Variants in NCKAP5 observed in about 807,000 individuals in gnomAD.
NCKAP5 encodes the protein NCK associated protein 5, also known as nck-associated protein 5.
NCKAP5 carries 92 observed loss-of-function variants against 167.0 expected under a neutral mutation model. The observed-to-expected ratio is 0.55, with a 90% confidence interval of 0.47 to 0.66. The LOEUF (loss-of-function observed/expected upper bound fraction) is 0.66. NCKAP5 is among the 30% of genes least tolerant of loss of function. The pLI, the probability that NCKAP5 is intolerant of heterozygous loss-of-function variation, is 0.00. For synonymous variants in NCKAP5, 891 were observed against 877.4 expected (o/e 1.02, Z -0.27); for missense variants, 2,378 against 2,315.0 (o/e 1.03, Z -0.56).
intron 6 of NCKAP5, among the ~76,000 whole-genome samples, chr2:133,102,734 C>G (rs537797501): frequency 7.0e-6 from 1 of 143,648 alleles, no homozygotes; most frequent in African/African-American, 2.7e-5. Context: ...ACAGGTTAGA[C>G]AAGCATGTAA....
At chr2:132,884,119 G>A (rs556176887) in intron 8 of NCKAP5, among the ~76,000 whole-genome samples, 81 of 152,178 alleles carry the variant, frequency 5.3e-4, no homozygotes, top group African/African-American at 1.8e-3. Context: ...TGTTGCTCTG[G>A]GGCTGAATCC....
intron 8 of NCKAP5, among the ~76,000 whole-genome samples, chr2:132,949,536 C>A (rs971782394): frequency 2.6e-5 from 4 of 152,170 alleles, no homozygotes; most frequent in Non-Finnish European, 5.9e-5. Context: ...CCCCTCTGCC[C>A]CTTCCTCTGT....
chr2:132,850,753 T>C (rs2105479160), intron 11 of NCKAP5, among the ~76,000 whole-genome samples: 1 of 152,234 alleles, frequency 6.6e-6, no homozygotes. Context: ...GCAAAGATTC[T>C]CAGGCTCCTT....
At chr2:133,005,590 T>C (rs2077937492) in intron 6 of NCKAP5, among the ~76,000 whole-genome samples, 1 of 152,168 alleles carries the variant, frequency 6.6e-6, no homozygotes, top group African/African-American at 2.4e-5. Flanking sequence ...TCTTGAGTAA[T>C]CTGAAGCACA....
intron 3 of NCKAP5, among the ~76,000 whole-genome samples, chr2:133,442,137 G>T (rs530789055): frequency 6.6e-6 from 1 of 152,132 alleles, no homozygotes; most frequent in African/African-American, 2.4e-5. Flanking sequence ...GGAACTTAAA[G>T]GATGTTCTGA....
At chr2:133,283,238 A>G (rs1232021733) in intron 4 of NCKAP5, among the ~76,000 whole-genome samples, 1 of 152,212 alleles carries the variant, frequency 6.6e-6, no homozygotes, top group Non-Finnish European at 1.5e-5. Flanking sequence ...TATCATGAGA[A>G]GCCAGGAAAA....
chr2:133,577,251 A>G, the NCKAP5 span, among the ~76,000 whole-genome samples: 1 of 152,172 alleles, frequency 6.6e-6, no homozygotes, highest in East Asian at 1.9e-4. Context: ...AAGGAAGAAA[A>G]GAAGGAAAGG....
chr2:133,583,879 G>A, the NCKAP5 span, among the ~76,000 whole-genome samples: 5 of 151,804 alleles, frequency 3.3e-5, no homozygotes, highest in East Asian at 1.9e-4. Flanking sequence ...TCAGCCTCCC[G>A]AGTAGCTGGG....
chr2:133,597,186 G>T, the NCKAP5 span, among the ~76,000 whole-genome samples: 1 of 152,194 alleles, frequency 6.6e-6, no homozygotes, highest in African/African-American at 2.4e-5. Context: ...AGTGGGAACT[G>T]GGGTGAAACA....
chr2:133,104,772 T>C (rs2081628259), intron 6 of NCKAP5, among the ~76,000 whole-genome samples: 1 of 152,226 alleles, frequency 6.6e-6, no homozygotes, highest in South Asian at 2.1e-4. Context: ...CCTTCAGCTG[T>C]TTCCTTTAGG....
At chr2:133,198,601 G>A (rs2150111069) in intron 5 of NCKAP5, among the ~76,000 whole-genome samples, 1 of 152,204 alleles carries the variant, frequency 6.6e-6, no homozygotes, top group Non-Finnish European at 1.5e-5. Context: ...GGAGCTCTAT[G>A]CCAACAACTA....
chr2:133,260,741 T>C (rs1235352014), intron 4 of NCKAP5, among the ~76,000 whole-genome samples: 1 of 152,184 alleles, frequency 6.6e-6, no homozygotes, highest in East Asian at 1.9e-4. Context: ...TTTAAAAAAG[T>C]GACTAAGAGG....
At chr2:133,495,605 G>A (rs1681873963) in intron 3 of NCKAP5, among the ~76,000 whole-genome samples, 1 of 152,086 alleles carries the variant, frequency 6.6e-6, no homozygotes, top group Non-Finnish European at 1.5e-5. Flanking sequence ...AGTTTTTGAA[G>A]GACTGTAGTC....
chr2:132,680,170 C>G (rs1685030995), intron 19 of NCKAP5, among the ~76,000 whole-genome samples: 1 of 152,006 alleles, frequency 6.6e-6, no homozygotes, highest in African/African-American at 2.4e-5. Flanking sequence ...TGCTCGGTTC[C>G]CTCTATTACC....
chr2:133,252,775 C>A (rs181731891), intron 4 of NCKAP5, among the ~76,000 whole-genome samples: 1 of 152,268 alleles, frequency 6.6e-6, no homozygotes. Context: ...ATAGGGTCTA[C>A]AAGGGTTCTA....
chr2:132,925,815 G>A (rs1695839341), intron 8 of NCKAP5, among the ~76,000 whole-genome samples: 1 of 152,184 alleles, frequency 6.6e-6, no homozygotes, highest in South Asian at 2.1e-4. Flanking sequence ...ATGTGACAAA[G>A]TAAGGTAGGG....
At chr2:132,886,984 G>C (rs1293138866) in intron 8 of NCKAP5, among the ~76,000 whole-genome samples, 2 of 152,112 alleles carry the variant, frequency 1.3e-5, no homozygotes, top group Non-Finnish European at 2.9e-5. Flanking sequence ...AAACACTTCT[G>C]GTCCTAAGCA....
chr2:133,481,609 AGT>A (rs1559517095), intron 3 of NCKAP5, among the ~76,000 whole-genome samples: 1 of 152,056 alleles, frequency 6.6e-6, no homozygotes, highest in Non-Finnish European at 1.5e-5. Flanking sequence ...GATAGGCCCC[AGT>A]GTGTGTTGTT....
rs559726997 is a variant in NCKAP5, at chr2:132,764,436, T to C, written c.5128+9380A>G. On this transcript the variant is annotated intron_variant, in intron 16 of 19. Coordinates refer to ENST00000409261, the MANE Select transcript of NCKAP5 (RefSeq NM_207363.3). ...CTCTCCCTTTTGAGTTTATCACTTATAGTTAGTTATAAGTGGGTGAACTCA... is the reference window on the plus strand; with the variant it reads ...CTCTCCCTTTTGAGTTTATCACTTACAGTTAGTTATAAGTGGGTGAACTCA... Among the ~76,000 whole-genome samples the C allele has an allele frequency of 3.3e-5, 5 of 152,350 alleles. No individual in the cohort carries two copies. The East Asian group carries it at 5.8e-4, about 18-fold the overall frequency.
Sources: gnomAD v4.1 joint callset for allele counts (sites outside exome capture counted in the v4.1 genomes callset) on GRCh38, gnomAD v4.1.1 for gene constraint, MANE v1.5 for transcripts, NCBI Gene and HGNC (gene_info 2026-07-23, HGNC 2026-07-21) for gene names.